Variants in TRIO observed in about 807,000 individuals in gnomAD.
TRIO encodes the protein trio Rho guanine nucleotide exchange factor.
TRIO carries 58 observed loss-of-function variants against 351.9 expected under a neutral mutation model. The observed-to-expected ratio is 0.16, with a 90% confidence interval of 0.13 to 0.21. The LOEUF is 0.21. Ranked by LOEUF, TRIO falls within the 10% of genes least tolerant of loss-of-function variation. The probability of loss-of-function intolerance (pLI) is 1.00; values close to 1 mark genes in which losing one functional copy is unlikely to be tolerated. For synonymous variants in TRIO, 1,758 were observed against 1,595.7 expected (o/e 1.10, Z -2.42); for missense variants, 3,201 against 4,027.8 (o/e 0.79, Z 5.56).
At chr5:14,198,980 A>G (rs969125883) in intron 1 of TRIO, among the ~76,000 whole-genome samples, 6 of 152,020 alleles carry the variant, frequency 3.9e-5, no homozygotes, top group Admixed American at 2.0e-4. Flanking sequence ...GCTCACGTCT[A>G]TAATCCCAGC....
intron 20 of TRIO, among the ~76,000 whole-genome samples, chr5:14,378,561 TTTC>T (rs1745773907): frequency 1.3e-5 from 2 of 148,512 alleles, no homozygotes; most frequent in African/African-American, 2.6e-5. Flanking sequence ...TCTTTTTCTG[TTTC>T]TTTTTTTTTT....
intron 2 of TRIO, among the ~76,000 whole-genome samples, chr5:14,275,439 A>G (rs1352596847): frequency 1.3e-5 from 2 of 152,196 alleles, no homozygotes; most frequent in African/African-American, 4.8e-5. Flanking sequence ...AAAAACCCCA[A>G]CTTGCTTCAA....
At chr5:14,223,263 G>A (rs905637927) in intron 1 of TRIO, among the ~76,000 whole-genome samples, 1 of 94,382 alleles carries the variant, frequency 1.1e-5, no homozygotes, top group African/African-American at 3.6e-5. Context: ...CCTTGACAGA[G>A]ATACTGAATG....
At chr5:14,390,759 C>T in intron 26 of TRIO, 142 bp from the exon 27 acceptor site, 1 of 677,160 alleles carries the variant, frequency 1.5e-6, no homozygotes, top group African/African-American at 1.9e-5. Context: ...TTTCTTATTT[C>T]AGTAGCTTTC....
chr5:14,177,040 G>T (rs1581278758), intron 1 of TRIO, among the ~76,000 whole-genome samples: 1 of 152,176 alleles, frequency 6.6e-6, no homozygotes, highest in African/African-American at 2.4e-5. Context: ...TTCAAACACT[G>T]TGTGTCCAGC....
chr5:14,397,008 A>C lies in TRIO; in HGVS notation c.4312-35A>C. 1.9e-6 allele frequency: 3 copies of C among 1,553,652 alleles called. 1 individual carries two copies. In the South Asian group the frequency reaches 3.5e-5, roughly 18 times the overall value. Reference sequence around the variant, plus strand: ...AGGTCTTATTGGCAGAGCATTCTGCAGTCTTTACCTAGTTTCTGTTGTTTA... The same window carrying C: ...AGGTCTTATTGGCAGAGCATTCTGCCGTCTTTACCTAGTTTCTGTTGTTTA... On this transcript the variant is annotated intron_variant, in intron 28 of 56. Coordinates refer to ENST00000344204, the MANE Select transcript of TRIO (RefSeq NM_007118.4).
chr5:14,146,815 C>T (rs1239166382), intron 1 of TRIO, among the ~76,000 whole-genome samples: 3 of 152,170 alleles, frequency 2.0e-5, no homozygotes, highest in Admixed American at 2.0e-4. Flanking sequence ...TTCAGGGCTC[C>T]AGAGCCCTGG....
In TRIO at chr5:14,483,715, C is replaced by T. The variant is rs1231383690; in HGVS notation, c.6657+942C>T. On this transcript the variant is annotated intron_variant, in intron 46 of 56. Coordinates refer to ENST00000344204, the MANE Select transcript of TRIO (RefSeq NM_007118.4). Reference sequence around the variant, plus strand: ...CCAAACAGCTGGAGAAGGAGGCCGCCTCTGCATGAGGCTGGGCTGCGGGCC... The same window carrying T: ...CCAAACAGCTGGAGAAGGAGGCCGCTTCTGCATGAGGCTGGGCTGCGGGCC... Among the ~76,000 whole-genome samples the T allele has an allele frequency of 2.6e-5, 4 of 152,256 alleles. No individual in the cohort carries two copies. The East Asian group carries it at 7.7e-4, about 29-fold the overall frequency.
In TRIO at chr5:14,143,902, GC is replaced by G; in HGVS notation, c.157+23del. ...GATCCGGTGAGTGCAACTGCGGCCGGCCCGCCCAGCGGCGCTGCCCCAAGCG... is the reference window on the plus strand; with the variant it reads ...GATCCGGTGAGTGCAACTGCGGCCGGCCGCCCAGCGGCGCTGCCCCAAGCG... On this transcript the variant is annotated intron_variant, in intron 1 of 56. Coordinates refer to ENST00000344204, the MANE Select transcript of TRIO (RefSeq NM_007118.4). 1 of 1,069,306 alleles carries G rather than the reference GC, an allele frequency of 9.4e-7. No individual in the cohort carries two copies. Among genetic ancestry groups the G allele is most frequent in the Non-Finnish European group, 1.1e-6 (1 of 884,626 alleles). 66.2% of individuals were successfully genotyped at this position (1,069,306 alleles called of 1,614,324 possible).
rs148914850 is a variant in TRIO at position 14,389,788 on chromosome 5, A to G, written c.4058+390A>G. Reference sequence around the variant, plus strand: ...AAGAGAAAGGAACTGAAGAAGCAACAGAAGTGTATTCTGACCAAAATAAAA... The same window carrying G: ...AAGAGAAAGGAACTGAAGAAGCAACGGAAGTGTATTCTGACCAAAATAAAA... On this transcript the variant is annotated intron_variant, in intron 25 of 56. Coordinates refer to ENST00000344204, the MANE Select transcript of TRIO (RefSeq NM_007118.4). 5.7e-3 allele frequency among the ~76,000 whole-genome samples: 872 copies of G among 152,320 alleles called. 11 individuals are homozygous for G. The highest frequency in any genetic ancestry group is 0.02 in the African/African-American group (820 of 41,568).
chr5:14,363,149 C>T (rs776415138), intron 13 of TRIO, among the ~76,000 whole-genome samples: 12 of 152,020 alleles, frequency 7.9e-5, no homozygotes, highest in Non-Finnish European at 1.8e-4. Flanking sequence ...CAGGCACATG[C>T]CACCACGCCC....
chr5:14,279,633 C>T (rs945477162), intron 2 of TRIO, among the ~76,000 whole-genome samples: 8 of 152,148 alleles, frequency 5.3e-5, no homozygotes, highest in African/African-American at 1.4e-4. Context: ...TATATGTTAA[C>T]AAGAAATCGT....
At chr5:14,180,100 CAAAAAAA>C (rs70964542) in intron 1 of TRIO, among the ~76,000 whole-genome samples, 8 of 27,744 alleles carry the variant, frequency 2.9e-4, no homozygotes, top group East Asian at 2.1e-3. Context: ...GACTCCTGCT[CAAAAAAA>C]AAAAAAAAAA....
At chr5:14,156,205 T>C (rs1788095308) in intron 1 of TRIO, among the ~76,000 whole-genome samples, 1 of 152,202 alleles carries the variant, frequency 6.6e-6, no homozygotes, top group Admixed American at 6.5e-5. Context: ...ACTTTCTTAC[T>C]TTCTGGCACA....
At chr5:14,273,928 G>C (rs1188550134) in intron 2 of TRIO, among the ~76,000 whole-genome samples, 1 of 152,104 alleles carries the variant, frequency 6.6e-6, no homozygotes, top group Non-Finnish European at 1.5e-5. Flanking sequence ...CGAATTCGTT[G>C]CCCACTTCAG....
At chr5:14,484,098 T>TCATCCATCCCCTGCACTGCACC (rs1173884179) in intron 46 of TRIO, among the ~76,000 whole-genome samples, 9 of 150,846 alleles carry the variant, frequency 6.0e-5, no homozygotes, top group Non-Finnish European at 8.9e-5. Flanking sequence ...GGCACTGCAC[T>TCATCCATCCCCTGCACTGCACC]CATCCATCCC....
chr5:14,416,396 C>T (rs1467341886), intron 33 of TRIO, among the ~76,000 whole-genome samples: 1 of 151,896 alleles, frequency 6.6e-6, no homozygotes, highest in South Asian at 2.1e-4. Flanking sequence ...CAGGACAGCT[C>T]TTCTCTGGGC....
chr5:14,268,890 T>G (rs1795839166), intron 1 of TRIO, among the ~76,000 whole-genome samples: 1 of 152,210 alleles, frequency 6.6e-6, no homozygotes, highest in Admixed American at 6.5e-5. Flanking sequence ...TGTAGACACA[T>G]TCAGTGAGTT....
At chr5:14,429,962 C>T (rs887840010) in intron 34 of TRIO, among the ~76,000 whole-genome samples, 5 of 152,032 alleles carry the variant, frequency 3.3e-5, no homozygotes, top group Admixed American at 1.3e-4. Flanking sequence ...TTCATGTGTG[C>T]GTGTGCCTTA....
Sources: gnomAD v4.1 joint callset for allele counts (sites outside exome capture counted in the v4.1 genomes callset) on GRCh38, gnomAD v4.1.1 for gene constraint, MANE v1.5 for transcripts, NCBI Gene and HGNC (gene_info 2026-07-23, HGNC 2026-07-21) for gene names.